The following LRP2 variants were observed in gnomAD, a reference collection of about 807,000 sequenced individuals.
The protein encoded by LRP2 is LDL receptor related protein 2, also known as low-density lipoprotein receptor-related protein 2.
In LRP2, 172 loss-of-function variants were observed where a neutral mutation model predicts 531.0. That is an observed-to-expected ratio of 0.32 (90% CI 0.29 to 0.37). The LOEUF is 0.37. Among genes scored for constraint, LRP2 ranks in the 10% least tolerant of loss-of-function variants. LRP2 has a pLI of 1.00. For synonymous variants in LRP2, 1,992 were observed against 2,027.6 expected (o/e 0.98, Z 0.47); for missense variants, 5,167 against 5,868.3 (o/e 0.88, Z 3.90).
chr2:169,263,653 G>A (rs568281847), intron 16 of LRP2, among the ~76,000 whole-genome samples: 6 of 151,384 alleles, frequency 4.0e-5, no homozygotes, highest in South Asian at 2.1e-4. Flanking sequence ...TGGTGGGACT[G>A]TAAACTAGTT....
chr2:169,271,673 T>G, intron 15 of LRP2: 1 of 964,022 alleles, frequency 1.0e-6, no homozygotes, highest in Non-Finnish European at 1.2e-6. Context: ...TTCTCACCTG[T>G]GCCATCAATC....
At chr2:169,317,263 T>A (rs906647953) in intron 3 of LRP2, among the ~76,000 whole-genome samples, 9 of 152,168 alleles carry the variant, frequency 5.9e-5, no homozygotes, top group Non-Finnish European at 1.3e-4. Context: ...CCACCACACA[T>A]TGAATCGCAA....
In LRP2 at chr2:169,290,895, T is replaced by G; in HGVS notation, c.872A>C (p.Asp291Ala). The G allele has an allele frequency of 6.2e-7, 1 of 1,614,196 alleles. No homozygotes were observed. Among genetic ancestry groups the G allele is most frequent in the East Asian group, 2.2e-5 (1 of 44,872 alleles). ...GTTTTCATCTTCTCTTCCTGGGCAA[T>G]CTAAAATCCCATCACAAACTTTATA... is the stretch of plus-strand genomic sequence containing the variant. ...SIYKVCDGIL[D>A]CPGREDENNT... Residue 291 changes from aspartate to alanine, a missense_variant, in exon 8 of 79, where the codon GAT becomes GCT. Around this residue, in one of 6 missense-constraint regions of LRP2, gnomAD observed 2,811 missense variants for 3,058.0 expected, o/e 0.92. Coordinates refer to ENST00000649046, the MANE Select transcript of LRP2 (RefSeq NM_004525.3).
At chr2:169,256,524 G>C (rs830958) in intron 18 of LRP2, among the ~76,000 whole-genome samples, 5 of 152,078 alleles carry the variant, frequency 3.3e-5, no homozygotes, top group Non-Finnish European at 7.4e-5. Flanking sequence ...AAGAAAAACA[G>C]TGGTAGTAAT....
chr2:169,135,619 A>G (rs1574060125), intron 76 of LRP2, among the ~76,000 whole-genome samples: 1 of 152,250 alleles, frequency 6.6e-6, no homozygotes, highest in Middle Eastern at 3.4e-3. Flanking sequence ...TCTTTTAAAA[A>G]CACACCTCAC....
chr2:169,292,157 G>A, intron 7 of LRP2, 96 bp downstream of exon 7: 1 of 976,156 alleles, frequency 1.0e-6, no homozygotes, highest in Non-Finnish European at 1.7e-6. Flanking sequence ...AGGCTTGCTT[G>A]TCACACAAAA....
chr2:169,275,142 G>T lies in LRP2; in HGVS notation c.1869C>A (p.Ala623=). ...QVFFTDWTKM[A]VLKANKFTET... ...CTGTGAACTTGTTTGCCTTCAGCAC[G>T]GCCATCTTTGTCCAATCTGTAAAGA... Residue 623 remains alanine (A), a synonymous_variant, in exon 14 of 79, where the codon GCC becomes GCA. Coordinates refer to ENST00000649046, the MANE Select transcript of LRP2 (RefSeq NM_004525.3). The T allele has an allele frequency of 6.2e-7, 1 of 1,613,696 alleles. No homozygotes were observed. The highest frequency in any genetic ancestry group is 8.5e-7 in the Non-Finnish European group (1 of 1,179,818).
chr2:169,178,390 G>A (rs1026004446), intron 52 of LRP2, among the ~76,000 whole-genome samples: 1 of 152,148 alleles, frequency 6.6e-6, no homozygotes, highest in African/African-American at 2.4e-5. Flanking sequence ...ATATCCTGGG[G>A]TGAACACCAT....
intron 1 of LRP2, among the ~76,000 whole-genome samples, chr2:169,324,249 C>A (rs1028415324): frequency 1.3e-5 from 2 of 152,188 alleles, no homozygotes; most frequent in African/African-American, 4.8e-5. Flanking sequence ...GGATTTGAAT[C>A]TGACAGCTCT....
rs1217704357 is a variant in LRP2, at chr2:169,246,787, G to A, written c.3108C>T (p.Gly1036=). 1 of 1,614,034 alleles carries A rather than the reference G, an allele frequency of 6.2e-7. No individual in the cohort carries two copies. Among genetic ancestry groups the A allele is most frequent in the African/African-American group, 1.3e-5 (1 of 74,924 alleles). Residue 1036 remains glycine (G), a synonymous_variant, in exon 21 of 79, where the codon GGC becomes GGT. Transcript: ENST00000649046. ...CGLFSFPCKN[G]RCVPNYYLCD... ...AGAGATAGTAATTGGGCACACATCT[G>A]CCATTTTTACAGGGGAAGGAAAATA...
At position 169,139,627 on chromosome 2, in the gene LRP2, A is replaced by G. The variant is rs1470463050; in HGVS notation, c.13200-17T>C. On this transcript the variant is annotated splice_polypyrimidine_tract_variant and intron_variant, in intron 72 of 78. Coordinates refer to ENST00000649046, the MANE Select transcript of LRP2 (RefSeq NM_004525.3). ...CTAGGACACCTGAAAGGAAAAAGCA[A>G]ATCATTCACTAGCTGTTATGTTCTT... 6.2e-7 allele frequency: 1 copy of G among 1,611,070 alleles called. No individual in the cohort carries two copies. The highest frequency in any genetic ancestry group is 8.5e-7 in the Non-Finnish European group (1 of 1,177,256).
chr2:169,137,559 C>CAGTCTTTTCTTTCAG, intron 75 of LRP2, 66 bp from the exon 76 acceptor site: 1 of 913,630 alleles, frequency 1.1e-6, no homozygotes, highest in Non-Finnish European at 1.7e-6. Flanking sequence ...TTACACCATA[C>CAGTCTTTTCTTTCAG]TAATCTGGTT....
chr2:169,192,631 G>A (rs1444631816), intron 47 of LRP2, among the ~76,000 whole-genome samples: 1 of 152,176 alleles, frequency 6.6e-6, no homozygotes, highest in Non-Finnish European at 1.5e-5. Flanking sequence ...AGAGTTGTCA[G>A]AAACCATGAT....
At chr2:169,292,393 T>G in intron 6 of LRP2, 24 bp from the exon 7 acceptor site, 1 of 1,432,790 alleles carries the variant, frequency 7.0e-7, no homozygotes, top group East Asian at 2.3e-5. Flanking sequence ...ACAGCTGCAC[T>G]CCAAAGACAC....
chr2:169,226,342 AG>A, intron 32 of LRP2, 79 bp downstream of exon 32: 2 of 1,158,294 alleles, frequency 1.7e-6, no homozygotes, highest in Non-Finnish European at 2.6e-6. Flanking sequence ...ACATGACAAA[AG>A]TTTGCTTATA....
intron 1 of LRP2, among the ~76,000 whole-genome samples, chr2:169,321,754 C>G (rs963893817): frequency 2.6e-5 from 4 of 152,112 alleles, no homozygotes; most frequent in Admixed American, 2.0e-4. Flanking sequence ...CAAAACAAAA[C>G]AAAATCTCTG....
rs955818163 is a variant in LRP2 at position 169,176,358 on chromosome 2, A to G, written c.10571+53T>C. ...CCATCCCTTGGAGCCTTGAAGGTCAATGTCTGTCCACGGGCTAGAGAGGCA... is the reference window on the plus strand; with the variant it reads ...CCATCCCTTGGAGCCTTGAAGGTCAGTGTCTGTCCACGGGCTAGAGAGGCA... On this transcript the variant is annotated intron_variant, in intron 54 of 78. Transcript: ENST00000649046. 6.8e-6 allele frequency: 11 copies of G among 1,606,520 alleles called. No homozygotes were observed. The African/African-American group carries it at 1.2e-4, about 18-fold the overall frequency.
chr2:169,243,092 G>A lies in LRP2; in HGVS notation c.3551-20C>T, dbSNP rs756347758. 6.4e-7 allele frequency: 1 copy of A among 1,567,692 alleles called. No individual in the cohort carries two copies. The highest frequency in any genetic ancestry group is 8.8e-7 in the Non-Finnish European group (1 of 1,137,972). ...TTAATACTAAGAATGAAAGAGAAAA[G>A]CATTAGAAATTAGCTCAGGGCTAAA... On this transcript the variant is annotated intron_variant, in intron 23 of 78. Coordinates refer to ENST00000649046, the MANE Select transcript of LRP2 (RefSeq NM_004525.3).
intron 16 of LRP2, among the ~76,000 whole-genome samples, chr2:169,264,268 AAAAATT>A (rs1375693878): frequency 6.6e-6 from 1 of 151,836 alleles, no homozygotes; most frequent in African/African-American, 2.4e-5. Context: ...ATAAAAATAA[AAAAATT>A]AAAAAAAGGT....
Sources: gnomAD v4.1 joint callset for allele counts (sites outside exome capture counted in the v4.1 genomes callset) on GRCh38, gnomAD v4.1.1 for gene constraint, gnomAD v4.1.1 regional missense constraint, MANE v1.5 for transcripts, NCBI Gene and HGNC (gene_info 2026-07-23, HGNC 2026-07-21) for gene names.